The following FABP6 variants were observed in gnomAD, a reference collection of about 807,000 sequenced individuals.
The protein encoded by FABP6 is gastrotropin.
A neutral mutation model predicts 14.9 loss-of-function variants in FABP6; 13 were observed. That is an observed-to-expected ratio of 0.87 (90% CI 0.57 to 1.39). The LOEUF is 1.39. Ranked by LOEUF, FABP6 falls within the 40% of genes most tolerant of loss-of-function variation. FABP6 has a pLI of 0.00. For synonymous variants in FABP6, 75 were observed against 63.6 expected (o/e 1.18, Z -0.85); for missense variants, 161 against 167.2 (o/e 0.96, Z 0.20).
At chr5:160,222,031 T>C (rs1428381089) in intron 3 of FABP6, among the ~76,000 whole-genome samples, 1 of 152,110 alleles carries the variant, frequency 6.6e-6, no homozygotes, top group Admixed American at 6.6e-5. Context: ...AATAAGATTG[T>C]TTGGAAGGAT....
intron 1 of FABP6, among the ~76,000 whole-genome samples, chr5:160,188,268 G>T (rs936351459): frequency 6.6e-6 from 1 of 152,148 alleles, no homozygotes; most frequent in Middle Eastern, 3.2e-3. Context: ...CTACAAGCTC[G>T]AGTTTCCTCA....
In FABP6 at chr5:160,199,023, C is replaced by G. The variant is rs371429996; in HGVS notation, c.-58-26C>G. 93 of 1,416,554 alleles carry G rather than the reference C, an allele frequency of 6.6e-5. 1 individual carries two copies. In the East Asian group the frequency reaches 7.3e-4, roughly 11 times the overall value. The allele number at this position is 1,416,554 out of a possible 1,614,324, so 87.7% of individuals were successfully genotyped here. On this transcript the variant is annotated intron_variant, in intron 1 of 6. Coordinates refer to the FABP6 transcript ENST00000393980. ...AGATGGTCTCCAGAGCCCCTCCCAG[C>G]GTGCTGGCTTTTTGTGTCATTGCAG... is the stretch of plus-strand genomic sequence containing the variant.
intron 2 of FABP6, among the ~76,000 whole-genome samples, chr5:160,200,558 G>A (rs145345033): frequency 5.9e-5 from 9 of 152,090 alleles, no homozygotes; most frequent in South Asian, 2.1e-4. Context: ...GATTACAGGC[G>A]CCCACCATCA....
At chr5:160,211,272 C>G (rs1262118662) in intron 2 of FABP6, among the ~76,000 whole-genome samples, 1 of 152,058 alleles carries the variant, frequency 6.6e-6, no homozygotes, top group Non-Finnish European at 1.5e-5. Flanking sequence ...CTCTGTGGGA[C>G]TGTCAGTTAA....
intron 2 of FABP6, among the ~76,000 whole-genome samples, chr5:160,200,519 T>G (rs1759613529): frequency 6.6e-6 from 1 of 151,914 alleles, no homozygotes; most frequent in South Asian, 2.1e-4. Flanking sequence ...TTCAAGAGAT[T>G]CTCCTTCCTC....
chr5:160,211,129 T>G (rs1759881730), intron 2 of FABP6, among the ~76,000 whole-genome samples: 1 of 152,188 alleles, frequency 6.6e-6, no homozygotes, highest in Non-Finnish European at 1.5e-5. Context: ...ACCCTTTTTC[T>G]GTCCTGGGGA....
chr5:160,217,799 G>T (rs1226696731), intron 3 of FABP6, among the ~76,000 whole-genome samples: 4 of 151,996 alleles, frequency 2.6e-5, no homozygotes, highest in African/African-American at 4.8e-5. Flanking sequence ...ACCATGCCCA[G>T]TTGATTTACT....
intron 1 of FABP6, among the ~76,000 whole-genome samples, chr5:160,189,064 G>A (rs79136544): frequency 0.01 from 1,552 of 152,140 alleles, 30 homozygotes; most frequent in African/African-American, 0.036. Context: ...GGGTCAGAGA[G>A]TAAATACTTC....
In FABP6 at chr5:160,219,939, C is replaced by T. The variant is rs561025597; in HGVS notation, c.135+6120C>T. ...TTTCACAAGCCCTCCCTTCCTACAT[C>T]CCCAGTAGCGTATGAACACAGCCTT... On this transcript the variant is annotated intron_variant, in intron 3 of 6. Coordinates refer to the FABP6 transcript ENST00000393980. Among the ~76,000 whole-genome samples the T allele has an allele frequency of 1.8e-3, 279 of 152,264 alleles. 1 individual carries two copies. The highest frequency in any genetic ancestry group is 2.9e-3 in the Non-Finnish European group (195 of 68,024).
chr5:160,200,324 G>T (rs2113074459), intron 2 of FABP6, among the ~76,000 whole-genome samples: 1 of 152,256 alleles, frequency 6.6e-6, no homozygotes. Context: ...TCTGACCTCT[G>T]AACTCTCAGG....
chr5:160,190,973 C>A (rs927739283), intron 1 of FABP6, among the ~76,000 whole-genome samples: 1 of 150,820 alleles, frequency 6.6e-6, no homozygotes. Context: ...AAAAATTAGC[C>A]AGCGTGGTGT....
intron 2 of FABP6, among the ~76,000 whole-genome samples, chr5:160,212,748 T>C (rs10059768): frequency 0.9 from 136,971 of 152,252 alleles, 61,723 homozygotes; most frequent in Non-Finnish European, 0.92. Context: ...GGATTACAGG[T>C]GTGAGCCACC....
chr5:160,191,461 C>T (rs1239844157), intron 1 of FABP6, among the ~76,000 whole-genome samples: 1 of 47,784 alleles, frequency 2.1e-5, no homozygotes, highest in Non-Finnish European at 4.2e-5. Flanking sequence ...GAGTGAAACT[C>T]CATCTCAAAC....
chr5:160,210,023 C>T (rs1294264105), intron 2 of FABP6, among the ~76,000 whole-genome samples: 2 of 152,156 alleles, frequency 1.3e-5, no homozygotes, highest in Non-Finnish European at 2.9e-5. Context: ...TCAGGAGACC[C>T]GACGTGATCT....
intron 1 of FABP6, among the ~76,000 whole-genome samples, chr5:160,189,913 T>A (rs1406775740): frequency 6.6e-6 from 1 of 152,182 alleles, no homozygotes; most frequent in Non-Finnish European, 1.5e-5. Flanking sequence ...CAAAATTTCG[T>A]GAGCAAAGGC....
intron 2 of FABP6, among the ~76,000 whole-genome samples, chr5:160,200,843 A>C (rs947352169): frequency 5.8e-5 from 4 of 69,100 alleles, no homozygotes; most frequent in Admixed American, 1.7e-4. Flanking sequence ...CTTCAAACCT[A>C]GCCCTTGGGT....
chr5:160,197,256 C>G (rs1759529500), intron 1 of FABP6: 1 of 152,262 alleles, frequency 6.6e-6, no homozygotes, highest in Non-Finnish European at 1.5e-5. Context: ...GTTCTACGCT[C>G]TCTGTCTTAC....
intron 1 of FABP6, among the ~76,000 whole-genome samples, chr5:160,192,768 T>G (rs1759423290): frequency 2.6e-5 from 4 of 152,236 alleles, no homozygotes; most frequent in African/African-American, 9.6e-5. Context: ...AAAGGCCGTC[T>G]GGGGTCAAAG....
At chr5:160,230,383 C>T (rs1479302390) in intron 1 of FABP6, among the ~76,000 whole-genome samples, 2 of 152,058 alleles carry the variant, frequency 1.3e-5, no homozygotes, top group South Asian at 2.1e-4. Context: ...ATTTTTGAGA[C>T]GGAGTCTTGC....
Sources: gnomAD v4.1 joint callset for allele counts (sites outside exome capture counted in the v4.1 genomes callset) on GRCh38, gnomAD v4.1.1 for gene constraint, MANE v1.5 for transcripts, NCBI Gene and HGNC (gene_info 2026-07-23, HGNC 2026-07-21) for gene names.